The following TMEM164 variants were observed in gnomAD, a reference collection of about 807,000 sequenced individuals.
TMEM164 encodes the protein RP13-360B22.2.
Under a neutral mutation model 18.8 loss-of-function variants are expected in TMEM164, and 4 were observed. That is an observed-to-expected ratio of 0.21 (90% confidence interval 0.10 to 0.49). TMEM164 has a LOEUF of 0.49. Among genes scored for constraint, TMEM164 ranks in the 20% least tolerant of loss-of-function variants. The pLI, the probability that TMEM164 is intolerant of heterozygous loss-of-function variation, is 0.98. For missense variants in TMEM164, 108 were observed against 239.9 expected (o/e 0.45, Z 3.63); for synonymous variants, 86 against 101.7 (o/e 0.85, Z 0.93).
intron 4 of TMEM164, among the ~76,000 whole-genome samples, chrX:110,140,285 G>T (rs781084219): frequency 1.8e-5 from 2 of 111,765 alleles, no homozygotes; most frequent in African/African-American, 3.3e-5. Context: ...GGAAGAGACA[G>T]CAATTTAGAA....
At chrX:110,093,353 G>A (rs748609682) in intron 3 of TMEM164, among the ~76,000 whole-genome samples, 44 of 111,447 alleles carry the variant, frequency 3.9e-4, no homozygotes, top group African/African-American at 1.3e-3. Flanking sequence ...ATTAATTATT[G>A]CCTCAATTTC....
At chrX:110,179,349 A>T (rs1402067239), downstream of TMEM164, among the ~76,000 whole-genome samples, 1 of 111,651 alleles carries the variant, frequency 9.0e-6, no homozygotes, top group African/African-American at 3.3e-5. Flanking sequence ...TCCAGTGCAG[A>T]TCTGCATCAC....
intron 5 of TMEM164, among the ~76,000 whole-genome samples, chrX:110,152,734 T>C (rs1358389046): frequency 9.0e-6 from 1 of 111,263 alleles, no homozygotes; most frequent in Non-Finnish European, 1.9e-5. Context: ...CCTTACCATC[T>C]CTAGGACCAG....
At position 110,035,660 on chromosome X, in the gene TMEM164, C is replaced by T. The variant is rs960203798; in HGVS notation, c.390+31496C>T. On this transcript the variant is annotated intron_variant, in intron 2 of 6. Coordinates refer to ENST00000372068, the MANE Select transcript of TMEM164 (RefSeq NM_032227.4). ...CTGGGACTACAGGCTACCATCACCG[C>T]GGCCAGCTAATTTTTGTATTTTTTA... Among the ~76,000 whole-genome samples the T allele has an allele frequency of 7.2e-5, 8 of 110,457 alleles. No homozygotes were observed. The East Asian group carries it at 1.7e-3, about 23-fold the overall frequency.
Position 110,176,325 on chromosome X carries a change from T to C in TMEM164, c.*2874T>C, listed in dbSNP as rs1302994046. Reference sequence around the variant, plus strand: ...CCTCCCTGCCCTCAGTATTTGGTTTTGTACACCAAAGATGATCTGGCCCAT... The same window carrying C: ...CCTCCCTGCCCTCAGTATTTGGTTTCGTACACCAAAGATGATCTGGCCCAT... On this transcript the variant is annotated 3_prime_UTR_variant, in exon 7 of 7. Transcript: ENST00000372068. 1.3e-6 allele frequency: 1 copy of C among 754,497 alleles called. No homozygotes were observed. Among genetic ancestry groups the C allele is most frequent in the Admixed American group, 8.8e-5 (1 of 11,407 alleles). The allele number at this position is 754,497 out of a possible 1,213,427, so 62.2% of individuals were successfully genotyped here. A position where few individuals can be genotyped will look rare whatever the true frequency, so the allele number is the denominator to read the frequency against.
chrX:110,129,779 C>G (rs960769982), intron 4 of TMEM164, among the ~76,000 whole-genome samples: 6 of 111,845 alleles, frequency 5.4e-5, no homozygotes, highest in African/African-American at 2.0e-4. Context: ...TGAAATATCT[C>G]TAAATAAGTT....
At chrX:110,110,914 ATG>A (rs2066281836) in intron 4 of TMEM164, among the ~76,000 whole-genome samples, 1 of 112,361 alleles carries the variant, frequency 8.9e-6, no homozygotes, top group Admixed American at 9.4e-5. Context: ...CTGCATCAGA[ATG>A]TGCATTTTAA....
chrX:110,161,586 A>G (rs2067095013), intron 5 of TMEM164, among the ~76,000 whole-genome samples: 1 of 111,682 alleles, frequency 9.0e-6, no homozygotes, highest in African/African-American at 3.3e-5. Context: ...TGTGGGAGCA[A>G]ATGGTTAAGT....
chrX:110,051,593 A>AAAAGAAAGAAAGAAAGAAAG (rs367718317), intron 2 of TMEM164, among the ~76,000 whole-genome samples: 7 of 102,960 alleles, frequency 6.8e-5, no homozygotes, highest in African/African-American at 2.4e-4. Context: ...CAAAAAAAAA[A>AAAAGAAAGAAAGAAAGAAAG]AAAGAAAGAA....
intron 3 of TMEM164, among the ~76,000 whole-genome samples, chrX:110,080,222 TAA>T: frequency 8.9e-6 from 1 of 111,977 alleles, no homozygotes; most frequent in Non-Finnish European, 1.9e-5. Flanking sequence ...CATGTTAGAA[TAA>T]GTTAGCACGA....
In TMEM164 at chrX:110,175,691, G is replaced by A; in HGVS notation, c.*2240G>A. The A allele has an allele frequency of 1.4e-6, 1 of 732,046 alleles. No individual in the cohort carries two copies. The highest frequency in any genetic ancestry group is 1.6e-6 in the Non-Finnish European group (1 of 618,958). The allele number at this position is 732,046 out of a possible 1,213,427, so 60.3% of individuals were successfully genotyped here. A position where few individuals can be genotyped will look rare whatever the true frequency, so the allele number is the denominator to read the frequency against. ...AGGAAGAAGTAAAGGGGGCATGCAG[G>A]GCTTTTGGGGGCCAGATTGGCTCAG... is the stretch of plus-strand genomic sequence containing the variant. On this transcript the variant is annotated 3_prime_UTR_variant, in exon 7 of 7. Transcript: ENST00000372068.
chrX:110,179,224 T>C (rs1364422058), downstream of TMEM164, among the ~76,000 whole-genome samples: 1 of 111,525 alleles, frequency 9.0e-6, no homozygotes. Flanking sequence ...GGAAGAGAGC[T>C]AAGAAAGACG....
chrX:110,146,342 T>G (rs2066854004), intron 5 of TMEM164, among the ~76,000 whole-genome samples: 1 of 112,080 alleles, frequency 8.9e-6, no homozygotes. Flanking sequence ...GTTAGACTGG[T>G]CTGACATGGA....
intron 2 of TMEM164, among the ~76,000 whole-genome samples, chrX:110,046,736 G>C (rs2147796152): frequency 8.9e-6 from 1 of 112,231 alleles, no homozygotes; most frequent in South Asian, 3.7e-4. Flanking sequence ...ACCCCCTTTT[G>C]TCAGTGCCAC....
chrX:110,050,320 T>C (rs1935502144), intron 2 of TMEM164, among the ~76,000 whole-genome samples: 1 of 111,953 alleles, frequency 8.9e-6, no homozygotes, highest in Non-Finnish European at 1.9e-5. Context: ...GATACAACCC[T>C]TCCTGGAGTG....
At chrX:110,033,385 T>C (rs1420265645) in intron 2 of TMEM164, among the ~76,000 whole-genome samples, 1 of 112,237 alleles carries the variant, frequency 8.9e-6, no homozygotes, top group African/African-American at 3.2e-5. Flanking sequence ...CTGTAGGTGA[T>C]TAATCTTCTT....
At chrX:110,108,142 A>G (rs73636942) in intron 3 of TMEM164, among the ~76,000 whole-genome samples, 5,302 of 85,477 alleles carry the variant, frequency 0.062, 402 homozygotes, top group African/African-American at 0.23. Context: ...GATTGACATC[A>G]ACCCCCATCT....
At chrX:110,068,667 A>G (rs770238080) in intron 3 of TMEM164, among the ~76,000 whole-genome samples, 2 of 111,903 alleles carry the variant, frequency 1.8e-5, no homozygotes, top group South Asian at 7.4e-4. Flanking sequence ...ATACATTCAT[A>G]TAGGTGTGTA....
intron 4 of TMEM164, among the ~76,000 whole-genome samples, chrX:110,120,706 G>A (rs1202494421): frequency 1.8e-5 from 2 of 111,126 alleles, no homozygotes; most frequent in African/African-American, 6.6e-5. Context: ...TTATTCCTTC[G>A]ATCTAGCTAT....
Sources: gnomAD v4.1 joint callset for allele counts (sites outside exome capture counted in the v4.1 genomes callset) on GRCh38, gnomAD v4.1.1 for gene constraint, MANE v1.5 for transcripts, NCBI Gene and HGNC (gene_info 2026-07-23, HGNC 2026-07-21) for gene names.